SLIT1: variants seen among roughly 807,000 people sequenced by gnomAD.
The protein encoded by SLIT1 is slit guidance ligand 1, also known as slit homolog 1 protein.
Under a neutral mutation model 186.1 loss-of-function variants are expected in SLIT1, and 66 were observed. The ratio of observed to expected loss-of-function variants is 0.35; its 90% CI spans 0.29 to 0.44. The LOEUF (loss-of-function observed/expected upper bound fraction) is 0.44, where lower values mean the gene tolerates loss of function less well. Ranked by LOEUF, SLIT1 falls within the 20% of genes least tolerant of loss-of-function variation. The pLI is 1.00. For missense variants in SLIT1, 1,638 were observed against 2,037.4 expected, an observed-to-expected ratio of 0.80 and a Z score of 3.77; for synonymous variants, 761 against 833.8, an observed-to-expected ratio of 0.91 and a Z score of 1.50.
At position 97,010,913 on chromosome 10, in the gene SLIT1, C is replaced by T. The variant is rs1028346793; in HGVS notation, c.3341+80G>A. 5.4e-5 allele frequency: 76 copies of T among 1,412,914 alleles called. No individual in the cohort carries two copies. The highest frequency in any genetic ancestry group is 6.8e-5 in the Non-Finnish European group (70 of 1,026,900). 87.5% of individuals were successfully genotyped at this position (1,412,914 alleles called of 1,614,324 possible). On this transcript the variant is annotated intron_variant, in intron 31 of 36. Coordinates refer to ENST00000266058, the MANE Select transcript of SLIT1 (RefSeq NM_003061.3). This position sits in a 1 kb window ranked among gnomAD's most constrained non-coding sequence, Gnocchi z 4.8. Reference sequence around the variant, plus strand: ...GGCTCTGACCCACACCCCTTTCCTTCGCCATGGCTGGAGGCTCCTGCCAGC... The same window carrying T: ...GGCTCTGACCCACACCCCTTTCCTTTGCCATGGCTGGAGGCTCCTGCCAGC...
At chr10:97,158,028 A>C in intron 3 of SLIT1, 139 bp from the exon 4 acceptor site, 1 of 697,742 alleles carries the variant, frequency 1.4e-6, no homozygotes, top group South Asian at 1.6e-5. Flanking sequence ...TCCCAGGGAA[A>C]TTACCTTCTC....
At position 97,004,870 on chromosome 10, in the gene SLIT1, C is replaced by T. The variant is rs144906189; in HGVS notation, c.3580-47G>A. ...TCTCCCACCCCACCCCATGCAGCAG[C>T]GGCACAGGCTAGCAGATGGGGCAGA... is the stretch of plus-strand genomic sequence containing the variant. On this transcript the variant is annotated intron_variant, in intron 32 of 36. Transcript: ENST00000266058. The surrounding 1 kb of genome is among the most constrained non-coding windows in gnomAD (Gnocchi z 5.1). The T allele has an allele frequency of 7.5e-5, 121 of 1,612,052 alleles. No homozygotes were observed. The highest frequency in any genetic ancestry group is 1.0e-4 in the Admixed American group (6 of 59,962).
intron 28 of SLIT1, among the ~76,000 whole-genome samples, chr10:97,017,743 G>A (rs1029824419): frequency 6.6e-6 from 1 of 152,236 alleles, no homozygotes; most frequent in Non-Finnish European, 1.5e-5. Flanking sequence ...GGGCTCAGGG[G>A]GCAGCTTGAG....
At chr10:97,089,705 T>C (rs982390075) in intron 4 of SLIT1, among the ~76,000 whole-genome samples, 65 of 151,314 alleles carry the variant, frequency 4.3e-4, no homozygotes, top group Non-Finnish European at 6.2e-4. Context: ...GGGAGTAGGC[T>C]GAGGGATCAA....
chr10:97,018,478 C>A (rs1250443670), intron 28 of SLIT1, 108 bp downstream of exon 28: 2 of 672,522 alleles, frequency 3.0e-6, no homozygotes, highest in African/African-American at 1.8e-5. Flanking sequence ...TCCACCTCCC[C>A]ACAGGGCACA....
chr10:97,058,181 C>G (rs1159814013), intron 11 of SLIT1: 8 of 658,294 alleles, frequency 1.2e-5, no homozygotes, highest in Non-Finnish European at 2.3e-5. Context: ...GAGACAGCAT[C>G]AGATTCCCAT....
intron 4 of SLIT1, among the ~76,000 whole-genome samples, chr10:97,073,775 T>G (rs1050898583): frequency 2.0e-5 from 3 of 151,630 alleles, no homozygotes; most frequent in African/African-American, 7.3e-5. Flanking sequence ...GGGCAAGTCA[T>G]GTAACCTCTC....
At chr10:97,096,470 A>AT (rs1244355920) in intron 4 of SLIT1, among the ~76,000 whole-genome samples, 1 of 151,672 alleles carries the variant, frequency 6.6e-6, no homozygotes, top group Admixed American at 6.6e-5. Context: ...TGCCAGGCTT[A>AT]TTTTTAACAG....
intron 4 of SLIT1, among the ~76,000 whole-genome samples, chr10:97,088,360 C>T (rs1050794142): frequency 6.6e-6 from 1 of 152,300 alleles, no homozygotes; most frequent in East Asian, 1.9e-4. Flanking sequence ...ATGACTGATG[C>T]TAACTAGGTG....
chr10:97,169,381 T>C (rs1850158481), intron 1 of SLIT1, among the ~76,000 whole-genome samples: 1 of 152,204 alleles, frequency 6.6e-6, no homozygotes. Context: ...TGACCTCCTC[T>C]GGGTAGCCCA....
intron 22 of SLIT1, among the ~76,000 whole-genome samples, chr10:97,034,775 C>A (rs1259695105): frequency 6.6e-6 from 1 of 152,126 alleles, no homozygotes; most frequent in African/African-American, 2.4e-5. Context: ...ATTTCCTGAC[C>A]CTCACCCCCA....
intron 4 of SLIT1, among the ~76,000 whole-genome samples, chr10:97,087,214 C>T (rs1258521304): frequency 2.6e-5 from 4 of 151,974 alleles, no homozygotes; most frequent in African/African-American, 9.7e-5. Context: ...TGTCATTCCT[C>T]CAGGGGGCCT....
At chr10:97,085,470 C>A (rs913909413) in intron 4 of SLIT1, among the ~76,000 whole-genome samples, 1 of 152,060 alleles carries the variant, frequency 6.6e-6, no homozygotes, top group South Asian at 2.1e-4. Context: ...TCACTGCAAC[C>A]TCTGCCCCCC....
chr10:97,166,476 A>G (rs567290208), intron 1 of SLIT1, among the ~76,000 whole-genome samples: 7 of 150,028 alleles, frequency 4.7e-5, no homozygotes, highest in African/African-American at 1.5e-4. Context: ...GGACCGTGCC[A>G]TTGCACTCCA....
intron 4 of SLIT1, among the ~76,000 whole-genome samples, chr10:97,131,897 C>G (rs1368054701): frequency 6.6e-6 from 1 of 152,188 alleles, no homozygotes; most frequent in African/African-American, 2.4e-5. Context: ...AACACTAAAG[C>G]AGAAAGAGGT....
At chr10:97,058,520 A>G (rs550400395) in intron 11 of SLIT1, among the ~76,000 whole-genome samples, 5 of 152,338 alleles carry the variant, frequency 3.3e-5, no homozygotes, top group Admixed American at 2.6e-4. Context: ...ATCCCTCACC[A>G]GGCTATCATG....
intron 9 of SLIT1, 48 bp from the exon 10 acceptor site, chr10:97,060,206 G>T: frequency 6.7e-7 from 1 of 1,498,358 alleles, no homozygotes; most frequent in Non-Finnish European, 9.3e-7. Context: ...GGTCAGCCCA[G>T]CCCTGGGTGT....
At chr10:97,170,592 C>T (rs114285143) in intron 1 of SLIT1, among the ~76,000 whole-genome samples, 1,831 of 152,286 alleles carry the variant, frequency 0.012, 26 homozygotes, top group African/African-American at 0.042. Context: ...GCCCTAAGCG[C>T]GTTCTCCCTC....
intron 4 of SLIT1, chr10:97,153,009 A>G (rs1211058907): frequency 6.6e-6 from 1 of 152,180 alleles, no homozygotes; most frequent in Non-Finnish European, 1.5e-5. Context: ...ATTATTCTAT[A>G]TTTCAATATT....
Sources: gnomAD v4.1 joint callset for allele counts (sites outside exome capture counted in the v4.1 genomes callset) on GRCh38, gnomAD v4.1.1 for gene constraint, Gnocchi (gnomAD v3.1) non-coding constraint, MANE v1.5 for transcripts, NCBI Gene and HGNC (gene_info 2026-07-23, HGNC 2026-07-21) for gene names.